Variants in ZFP3 observed in about 807,000 individuals in gnomAD.
ZFP3 encodes ZFP3 zinc finger protein.
In ZFP3, 18 loss-of-function variants were observed where a neutral mutation model predicts 36.7. The ratio of observed to expected loss-of-function variants is 0.49; its 90% confidence interval spans 0.34 to 0.73. The LOEUF is 0.73. ZFP3 is among the 30% of genes least tolerant of loss of function. The probability of loss-of-function intolerance (pLI) is 0.01; values close to 1 mark genes in which losing one functional copy is unlikely to be tolerated. For missense variants in ZFP3, 495 were observed against 599.0 expected, an observed-to-expected ratio of 0.83 and a Z score of 1.81; for synonymous variants, 218 against 199.0, an observed-to-expected ratio of 1.10 and a Z score of -0.81.
At chr17:5,090,051 C>CTA (rs1212399945) in intron 1 of ZFP3, among the ~76,000 whole-genome samples, 4 of 152,008 alleles carry the variant, frequency 2.6e-5, no homozygotes, top group Non-Finnish European at 4.4e-5. Flanking sequence ...AACAGCATTG[C>CTA]TATATATATA....
intron 1 of ZFP3, among the ~76,000 whole-genome samples, chr17:5,087,792 C>T (rs1414813539): frequency 6.6e-6 from 1 of 152,122 alleles, no homozygotes; most frequent in African/African-American, 2.4e-5. Flanking sequence ...AACCCTGACC[C>T]CTTTCTCCTG....
rs775945068 is a variant in ZFP3 at position 5,091,566 on chromosome 17, A to G, written c.62A>G (p.His21Arg). ...GAAATTTCTGAAGAATCTGAGCCAC[A>G]TGGGTCATTATTAGAAAAATTTCCA... Reference protein sequence around the residue: ...KEEISEESEPHGSLLEKFPKV... With the variant: ...KEEISEESEPRGSLLEKFPKV... The change falls in exon 2 of 2, where the codon CAT becomes CGT. Residue 21 changes from histidine to arginine, a missense_variant. Around this residue, in one of 3 missense-constraint regions of ZFP3, gnomAD observed 229 missense variants for 233.8 expected, o/e 0.98. Coordinates refer to ENST00000318833, the MANE Select transcript of ZFP3 (RefSeq NM_153018.3). 3 of 1,614,142 alleles carry G rather than the reference A, an allele frequency of 1.9e-6. No individual in the cohort carries two copies. The highest frequency in any genetic ancestry group is 2.5e-6 in the Non-Finnish European group (3 of 1,180,052).
intron 1 of ZFP3, among the ~76,000 whole-genome samples, chr17:5,082,598 G>A (rs2072100190): frequency 6.6e-6 from 1 of 152,114 alleles, no homozygotes; most frequent in Non-Finnish European, 1.5e-5. Flanking sequence ...TGTGATCATA[G>A]CTCACTGCAT....
intron 1 of ZFP3, among the ~76,000 whole-genome samples, chr17:5,084,926 G>C (rs1188399183): frequency 6.6e-6 from 1 of 152,230 alleles, no homozygotes; most frequent in African/African-American, 2.4e-5. Context: ...GATTGGCTTT[G>C]ATTTGTATTT....
chr17:5,080,100 A>G (rs1307344008), intron 1 of ZFP3, among the ~76,000 whole-genome samples: 2 of 152,084 alleles, frequency 1.3e-5, no homozygotes, highest in African/African-American at 4.8e-5. Context: ...TGGCCCTGGC[A>G]GCATCTCCCT....
chr17:5,085,841 T>C (rs1352426323), intron 1 of ZFP3, among the ~76,000 whole-genome samples: 1 of 152,068 alleles, frequency 6.6e-6, no homozygotes, highest in Admixed American at 6.6e-5. Context: ...AATAAGCAAG[T>C]ATAGGAGGCA....
rs2072152134 is a variant in ZFP3, at chr17:5,091,914, G to A, written c.410G>A (p.Gly137Glu). The A allele has an allele frequency of 3.1e-6, 5 of 1,614,062 alleles. No individual in the cohort carries two copies. Among genetic ancestry groups the A allele is most frequent in the Non-Finnish European group, 4.2e-6 (5 of 1,180,038 alleles). The change falls in exon 2 of 2, where the codon GGA (glycine) becomes GAA (glutamate). Residue 137 changes from glycine (G) to glutamate (E), a missense_variant. This residue lies in a region of ZFP3 where 229 missense variants were observed against 233.8 expected (regional missense o/e 0.98). Coordinates refer to ENST00000318833, the MANE Select transcript of ZFP3 (RefSeq NM_153018.3). ...AACAAAACACAGAGAAGTTCTGTGGGAGAAAAGCCTCATACATGTAAAGAA... is the reference window on the plus strand; with the variant it reads ...AACAAAACACAGAGAAGTTCTGTGGAAGAAAAGCCTCATACATGTAAAGAA... Reference protein sequence around the residue: ...ESNKTQRSSVGEKPHTCKECG... With the variant: ...ESNKTQRSSVEEKPHTCKECG...
rs145507288 is a variant in ZFP3 at position 5,086,785 on chromosome 17, A to C, written c.-8-4712A>C. On this transcript the variant is annotated intron_variant, in intron 1 of 1. Transcript: ENST00000318833. ...CTCTGTCACCCAGGCTGGAGTGCAG[A>C]GGTGTGATCTTGGCTCACTGCAAGC... Among the ~76,000 whole-genome samples, 687 of 133,206 alleles carry C rather than the reference A, an allele frequency of 5.2e-3. 4 individuals are homozygous for C. The highest frequency in any genetic ancestry group is 7.7e-3 in the Non-Finnish European group (505 of 65,240). 87.4% of individuals were successfully genotyped at this position (133,206 alleles called of 152,430 possible). A position where few individuals can be genotyped will look rare whatever the true frequency, so the allele number is the denominator to read the frequency against.
chr17:5,090,489 G>A (rs772626283), intron 1 of ZFP3, among the ~76,000 whole-genome samples: 6 of 152,176 alleles, frequency 3.9e-5, no homozygotes, highest in East Asian at 1.9e-4. Flanking sequence ...AGCCAAAGGC[G>A]GTACTTCTGT....
At chr17:5,079,292 C>T (rs1178116854) in intron 1 of ZFP3, among the ~76,000 whole-genome samples, 4 of 151,492 alleles carry the variant, frequency 2.6e-5, no homozygotes, top group African/African-American at 7.3e-5. Flanking sequence ...GAGGCCTAGG[C>T]GGGAGGATCA....
chr17:5,080,583 T>A (rs1388279582), intron 1 of ZFP3, among the ~76,000 whole-genome samples: 1 of 152,180 alleles, frequency 6.6e-6, no homozygotes, highest in East Asian at 1.9e-4. Flanking sequence ...TTTGAGGTAT[T>A]AAAATTTCGA....
rs2072155037 is a variant in ZFP3, at chr17:5,092,425, A to G, written c.921A>G (p.Lys307=). 1.2e-6 allele frequency: 2 copies of G among 1,614,180 alleles called. No individual in the cohort carries two copies. Among genetic ancestry groups the G allele is most frequent in the African/African-American group, 2.7e-5 (2 of 75,042 alleles). Residue 307 remains lysine, a synonymous_variant, in exon 2 of 2, where the codon AAA becomes AAG. Transcript: ENST00000318833. This position sits in a 1 kb window ranked among gnomAD's most constrained non-coding sequence, Gnocchi z 5.0. ...ACCAGAAAATTCATACTGGAGAAAA[A>G]CCATATCTGTGTAATGAATGTGGGA... ...IRHQKIHTGE[K]PYLCNECGKG... is the part of the protein sequence containing the mutation.
rs778805617 is a variant in ZFP3, at chr17:5,092,978, C to T, written c.1474C>T (p.Leu492Phe). 1.2e-6 allele frequency: 2 copies of T among 1,608,584 alleles called. No individual in the cohort carries two copies. The highest frequency in any genetic ancestry group is 2.7e-5 in the African/African-American group (2 of 74,606). The change falls in exon 2 of 2, where the codon CTC (leucine) becomes TTC (phenylalanine). Residue 492 changes from leucine (L) to phenylalanine (F), a missense_variant. Leu to Phe is a conservative substitution (Grantham distance 22). Around this residue, in one of 3 missense-constraint regions of ZFP3, gnomAD observed 163 missense variants for 178.4 expected, o/e 0.91. Coordinates refer to ENST00000318833, the MANE Select transcript of ZFP3 (RefSeq NM_153018.3). This position sits in a 1 kb window ranked among gnomAD's most constrained non-coding sequence, Gnocchi z 5.0. ...CQKTFSRSSH[L>F]LRHQSVHCME is the part of the protein sequence containing the mutation. ...GAAGACTTTTAGTCGGAGCTCTCAC[C>T]TCCTCCGACATCAAAGTGTTCACTG...
Position 5,091,742 on chromosome 17 carries a change from C to A in ZFP3, c.238C>A (p.Pro80Thr). 6.2e-7 allele frequency: 1 copy of A among 1,614,190 alleles called. No individual in the cohort carries two copies. The highest frequency in any genetic ancestry group is 8.5e-7 in the Non-Finnish European group (1 of 1,180,048). ...AGGGTTGATGATCTTTAAGAAATCA[C>A]CCTCAAGTGAGAAAGACCGGGAGAA... ...PSGLMIFKKSPSSEKDRENNE... is the reference protein window; with the variant it reads ...PSGLMIFKKSTSSEKDRENNE... Residue 80 changes from proline (P) to threonine (T), a missense_variant, in exon 2 of 2, where the codon CCC (proline) becomes ACC (threonine). Transcript: ENST00000318833.
At chr17:5,091,377 C>T (rs2072148640) in intron 1 of ZFP3, 120 bp from the exon 2 acceptor site, 1 of 1,129,980 alleles carries the variant, frequency 8.8e-7, no homozygotes, top group Non-Finnish European at 1.2e-6. Context: ...CTGCCCTCCT[C>T]CCCTGACCAA....
chr17:5,087,151 G>C (rs2072126039), intron 1 of ZFP3, among the ~76,000 whole-genome samples: 1 of 142,874 alleles, frequency 7.0e-6, no homozygotes, highest in African/African-American at 2.7e-5. Flanking sequence ...CTCAATCATA[G>C]GTTACCGCAG....
At chr17:5,083,326 G>C (rs1304395682) in intron 1 of ZFP3, among the ~76,000 whole-genome samples, 1 of 152,138 alleles carries the variant, frequency 6.6e-6, no homozygotes, top group African/African-American at 2.4e-5. Flanking sequence ...GGGACGCCGA[G>C]GTGGATGGAT....
At chr17:5,081,185 C>T (rs927068808) in intron 1 of ZFP3, among the ~76,000 whole-genome samples, 19 of 151,802 alleles carry the variant, frequency 1.3e-4, no homozygotes, top group African/African-American at 3.9e-4. Flanking sequence ...CGGCCTGCCC[C>T]GGGCTTCACA....
At chr17:5,084,511 G>A (rs569325835) in intron 1 of ZFP3, among the ~76,000 whole-genome samples, 2 of 144,452 alleles carry the variant, frequency 1.4e-5, no homozygotes, top group East Asian at 4.2e-4. Context: ...TCCTGACCTC[G>A]TGATCCGCCC....
Sources: allele counts gnomAD v4.1 joint callset (sites outside exome capture counted in the v4.1 genomes callset), GRCh38; gene constraint gnomAD v4.1.1; regional missense constraint gnomAD v4.1.1; non-coding constraint Gnocchi (gnomAD v3.1); transcripts MANE v1.5; gene names NCBI Gene and HGNC (gene_info 2026-07-23, HGNC 2026-07-21).